Variants in RBBP8 observed in about 807,000 individuals in gnomAD.
The protein encoded by RBBP8 is RB binding protein 8, endonuclease.
In RBBP8, 88 loss-of-function variants were observed where a neutral mutation model predicts 108.3. That is an observed-to-expected ratio of 0.81 (90% CI 0.68 to 0.97). The LOEUF (loss-of-function observed/expected upper bound fraction) is 0.97. Among genes scored for constraint, RBBP8 ranks in the 50% least tolerant of loss-of-function variants. The pLI, the probability that RBBP8 is intolerant of heterozygous loss-of-function variation, is 0.00. For missense variants in RBBP8, 1,023 were observed against 1,049.0 expected, an observed-to-expected ratio of 0.98 and a Z score of 0.34; for synonymous variants, 332 against 348.2, an observed-to-expected ratio of 0.95 and a Z score of 0.52.
chr18:22,959,078 C>A lies in RBBP8; in HGVS notation c.248+9365C>A, dbSNP rs137905751. Reference sequence around the variant, plus strand: ...TTGGGGATACACCAGTGAATGTGATCGATAAATGTGGGCCTTTCTATTGGT... The same window carrying A: ...TTGGGGATACACCAGTGAATGTGATAGATAAATGTGGGCCTTTCTATTGGT... On this transcript the variant is annotated intron_variant, in intron 4 of 18. Coordinates refer to ENST00000327155, the MANE Select transcript of RBBP8 (RefSeq NM_002894.3). Among the ~76,000 whole-genome samples the A allele has an allele frequency of 4.7e-3, 712 of 152,246 alleles. 3 individuals carry two copies. The highest frequency in any genetic ancestry group is 0.017 in the African/African-American group (692 of 41,542).
chr18:22,917,928 G>T (rs1475244900), intron 3 of RBBP8, among the ~76,000 whole-genome samples: 2 of 149,982 alleles, frequency 1.3e-5, no homozygotes, highest in African/African-American at 4.9e-5. Context: ...AACCTGGGAG[G>T]CAGAGGTTGC....
intron 3 of RBBP8, 95 bp from the exon 4 acceptor site, chr18:22,949,523 A>G (rs1911846607): frequency 1.1e-6 from 1 of 909,694 alleles, no homozygotes; most frequent in African/African-American, 1.7e-5. Flanking sequence ...TTGTTTTGGT[A>G]CAAGAAATTT....
rs1380910648 is a variant in RBBP8, at chr18:22,989,290, C to T, written c.779C>T (p.Thr260Ile). ...SFNLATVVAE[T>I]LGLGVQEESE... is the part of the protein sequence containing the mutation. ...AATTTAGCTACAGTTGTTGCTGAAA[C>T]ACTTGGACTTGGTGTTCAAGAAGAA... The change falls in exon 9 of 19, where the codon ACA becomes ATA. Residue 260 changes from threonine (T) to isoleucine (I), a missense_variant. Physicochemically the swap from Thr to Ile is moderately conservative, Grantham distance 89. Transcript: ENST00000327155. 1 of 1,609,492 alleles carries T rather than the reference C, an allele frequency of 6.2e-7. No homozygotes were observed. The highest frequency in any genetic ancestry group is 8.5e-7 in the Non-Finnish European group (1 of 1,176,134).
intron 4 of RBBP8, among the ~76,000 whole-genome samples, chr18:22,956,853 G>A (rs941406976): frequency 6.6e-6 from 1 of 151,952 alleles, no homozygotes; most frequent in Non-Finnish European, 1.5e-5. Flanking sequence ...TTATTATTAT[G>A]TTTAATGAGT....
At chr18:22,978,805 T>C (rs189466189) in intron 6 of RBBP8, among the ~76,000 whole-genome samples, 63 of 152,354 alleles carry the variant, frequency 4.1e-4, no homozygotes, top group African/African-American at 1.3e-3. Flanking sequence ...ATAATGATTG[T>C]ATATTTCAGA....
At chr18:22,960,330 C>T (rs777235018) in intron 4 of RBBP8, among the ~76,000 whole-genome samples, 1 of 152,198 alleles carries the variant, frequency 6.6e-6, no homozygotes, top group Admixed American at 6.5e-5. Context: ...GTAGGCAGAT[C>T]GCTTTAGCCC....
chr18:22,944,384 T>C (rs996968033), intron 2 of RBBP8, among the ~76,000 whole-genome samples: 3 of 152,366 alleles, frequency 2.0e-5, no homozygotes, highest in East Asian at 3.8e-4. Flanking sequence ...AGAATCCATT[T>C]CATCTTTGGC....
chr18:22,977,282 G>C (rs1422645279), intron 6 of RBBP8, among the ~76,000 whole-genome samples: 1 of 151,878 alleles, frequency 6.6e-6, no homozygotes, highest in East Asian at 1.9e-4. Context: ...CTAAACCACT[G>C]TCATATTATG....
chr18:22,916,880 C>T (rs576458922), intron 2 of RBBP8: 1 of 152,144 alleles, frequency 6.6e-6, no homozygotes, highest in East Asian at 1.9e-4. Context: ...TTTAGTCATT[C>T]TTAAATGCTC....
chr18:22,966,798 C>T (rs1177773407), intron 4 of RBBP8, among the ~76,000 whole-genome samples: 1 of 146,808 alleles, frequency 6.8e-6, no homozygotes, highest in Non-Finnish European at 1.5e-5. Flanking sequence ...ACTATCTCAG[C>T]TTACTGTAAT....
chr18:22,946,296 A>C, intron 2 of RBBP8, 148 bp from the exon 3 acceptor site: 1 of 955,152 alleles, frequency 1.0e-6, no homozygotes, highest in Non-Finnish European at 1.5e-6. Flanking sequence ...TGCTTTTGTG[A>C]CTGCAGAGTA....
intron 15 of RBBP8, among the ~76,000 whole-genome samples, chr18:23,002,504 CTA>C (rs2144748606): frequency 6.6e-6 from 1 of 152,208 alleles, no homozygotes; most frequent in South Asian, 2.1e-4. Context: ...CCTAATGTAA[CTA>C]TGTGTATTAG....
exon 1 of RBBP8, chr18:22,914,215 T>C (rs1384104754): frequency 6.6e-6 from 1 of 152,204 alleles, no homozygotes; most frequent in African/African-American, 2.4e-5. Flanking sequence ...GTTCACTGAT[T>C]TAATGTTTAA....
At chr18:22,999,119 C>T (rs1489006249) in intron 14 of RBBP8, among the ~76,000 whole-genome samples, 1 of 152,134 alleles carries the variant, frequency 6.6e-6, no homozygotes, top group East Asian at 1.9e-4. Context: ...GAAATTAGCA[C>T]TTGGACTAAT....
intron 3 of RBBP8, among the ~76,000 whole-genome samples, chr18:22,924,507 G>T (rs550079713): frequency 2.0e-5 from 3 of 151,510 alleles, no homozygotes; most frequent in African/African-American, 7.3e-5. Context: ...CTGCAGCCTC[G>T]TCTTCCTAGG....
chr18:22,969,928 A>T (rs1913942140), intron 5 of RBBP8, among the ~76,000 whole-genome samples: 1 of 152,208 alleles, frequency 6.6e-6, no homozygotes, highest in African/African-American at 2.4e-5. Flanking sequence ...TGAGTAGAAA[A>T]TTGTTACATC....
chr18:22,949,164 G>A (rs1397055319), intron 3 of RBBP8, among the ~76,000 whole-genome samples: 3 of 152,078 alleles, frequency 2.0e-5, no homozygotes, highest in Non-Finnish European at 2.9e-5. Flanking sequence ...ATGAAGAGCT[G>A]GACTCAAACC....
At chr18:22,949,103 G>C (rs1231352791) in intron 3 of RBBP8, among the ~76,000 whole-genome samples, 1 of 152,054 alleles carries the variant, frequency 6.6e-6, no homozygotes, top group Non-Finnish European at 1.5e-5. Flanking sequence ...ATCTACACTT[G>C]GTGAGGCACA....
upstream of RBBP8, among the ~76,000 whole-genome samples, chr18:22,933,013 G>A (rs989389384): frequency 6.6e-6 from 1 of 152,182 alleles, no homozygotes; most frequent in Non-Finnish European, 1.5e-5. Context: ...TCTTCATTCG[G>A]TACAGGTCAC....
Sources: allele counts gnomAD v4.1 joint callset (sites outside exome capture counted in the v4.1 genomes callset), GRCh38; gene constraint gnomAD v4.1.1; transcripts MANE v1.5; gene names NCBI Gene and HGNC (gene_info 2026-07-23, HGNC 2026-07-21).